PARVA: variants seen among roughly 807,000 people sequenced by gnomAD.
PARVA encodes alpha-parvin.
In PARVA, 25 loss-of-function variants were observed where a neutral mutation model predicts 52.6. The ratio of observed to expected loss-of-function variants is 0.48; its 90% confidence interval spans 0.35 to 0.66. The LOEUF (loss-of-function observed/expected upper bound fraction) is 0.66, where lower values mean the gene tolerates loss of function less well. PARVA is among the 30% of genes least tolerant of loss of function. The probability of loss-of-function intolerance (pLI) is 0.01; values close to 1 mark genes in which losing one functional copy is unlikely to be tolerated. For missense variants in PARVA, 373 were observed against 450.9 expected (o/e 0.83, Z 1.56); for synonymous variants, 185 against 179.1 (o/e 1.03, Z -0.26).
chr11:12,386,807 A>T (rs1939578186), intron 1 of PARVA, among the ~76,000 whole-genome samples: 1 of 152,180 alleles, frequency 6.6e-6, no homozygotes, highest in Non-Finnish European at 1.5e-5. Flanking sequence ...TATTTCACCC[A>T]GCTTCTCTCA....
chr11:12,494,633 TTTC>T (rs997892362), intron 4 of PARVA, among the ~76,000 whole-genome samples: 6 of 152,030 alleles, frequency 3.9e-5, no homozygotes, highest in African/African-American at 1.4e-4. Flanking sequence ...AAGATGTATA[TTTC>T]TTCTTATGTC....
chr11:12,378,397 G>A (rs1378576855), intron 1 of PARVA, among the ~76,000 whole-genome samples: 1 of 152,098 alleles, frequency 6.6e-6, no homozygotes, highest in Non-Finnish European at 1.5e-5. Flanking sequence ...GAATGAATGA[G>A]CGAAAAACTG....
At chr11:12,452,196 G>T (rs1212453218) in intron 1 of PARVA, among the ~76,000 whole-genome samples, 1 of 152,044 alleles carries the variant, frequency 6.6e-6, no homozygotes, top group African/African-American at 2.4e-5. Context: ...CTGCCTCCAG[G>T]CAGGGCTTAG....
intron 1 of PARVA, among the ~76,000 whole-genome samples, chr11:12,403,390 G>A (rs536946117): frequency 1.6e-4 from 24 of 152,338 alleles, no homozygotes; most frequent in African/African-American, 5.5e-4. Context: ...AACCTTTAGG[G>A]AAGCTGAAGG....
intron 5 of PARVA, among the ~76,000 whole-genome samples, chr11:12,496,808 G>A (rs536876633): frequency 2.0e-5 from 3 of 152,178 alleles, no homozygotes; most frequent in Non-Finnish European, 4.4e-5. Context: ...AAAATCTCAC[G>A]TTCCTCTTCT....
intron 5 of PARVA, among the ~76,000 whole-genome samples, chr11:12,500,607 T>C (rs192581754): frequency 6.7e-6 from 1 of 150,342 alleles, no homozygotes; most frequent in East Asian, 2.0e-4. Flanking sequence ...CTGGCCAACA[T>C]GGCAAAACCC....
intron 1 of PARVA, among the ~76,000 whole-genome samples, chr11:12,432,823 C>T (rs1243373582): frequency 6.6e-6 from 1 of 152,152 alleles, no homozygotes; most frequent in Non-Finnish European, 1.5e-5. Context: ...TGTATTTGAA[C>T]CTGTTTTCTA....
chr11:12,514,695 C>T (rs1440985444), intron 10 of PARVA, among the ~76,000 whole-genome samples: 1 of 152,184 alleles, frequency 6.6e-6, no homozygotes, highest in East Asian at 1.9e-4. Flanking sequence ...CCATGTTGGT[C>T]AGGCTGGTCT....
At chr11:12,379,047 T>G (rs748414231) in intron 1 of PARVA, among the ~76,000 whole-genome samples, 13 of 152,230 alleles carry the variant, frequency 8.5e-5, no homozygotes, top group Non-Finnish European at 1.9e-4. Context: ...AGGGGTGGAT[T>G]ATTCATGTCT....
intron 1 of PARVA, among the ~76,000 whole-genome samples, chr11:12,400,357 ATTAG>A (rs1415955435): frequency 6.6e-6 from 1 of 152,190 alleles, no homozygotes; most frequent in Admixed American, 6.5e-5. Flanking sequence ...TTGCTTTATA[ATTAG>A]TTGAGCACTA....
At chr11:12,489,945 A>G (rs945383159) in intron 4 of PARVA, among the ~76,000 whole-genome samples, 4 of 152,038 alleles carry the variant, frequency 2.6e-5, no homozygotes, top group African/African-American at 9.7e-5. Context: ...AGCCAGGTGC[A>G]GTGGCTCACG....
intron 1 of PARVA, 21 bp from the exon 2 acceptor site, chr11:12,473,724 C>T: frequency 6.5e-7 from 1 of 1,542,376 alleles, no homozygotes; most frequent in Non-Finnish European, 8.8e-7. Context: ...AAATGTGACC[C>T]TGCTCTTCCT....
chr11:12,390,578 G>C (rs1939644880), intron 1 of PARVA, among the ~76,000 whole-genome samples: 1 of 152,220 alleles, frequency 6.6e-6, no homozygotes, highest in Non-Finnish European at 1.5e-5. Context: ...GGCAGAGGCT[G>C]CTGTAGTCTC....
chr11:12,449,413 T>A (rs1480499694), intron 1 of PARVA, among the ~76,000 whole-genome samples: 3 of 152,086 alleles, frequency 2.0e-5, no homozygotes, highest in African/African-American at 7.2e-5. Flanking sequence ...TGCCTCACCC[T>A]CCCTAAGTGC....
At chr11:12,495,924 G>A (rs1941292605) in intron 4 of PARVA, among the ~76,000 whole-genome samples, 1 of 152,174 alleles carries the variant, frequency 6.6e-6, no homozygotes, top group African/African-American at 2.4e-5. Context: ...AACACAACCT[G>A]ACTTTAAGGA....
chr11:12,431,186 G>A (rs1205790928), intron 1 of PARVA, among the ~76,000 whole-genome samples: 2 of 152,164 alleles, frequency 1.3e-5, no homozygotes, highest in East Asian at 3.9e-4. Context: ...ATCCTGTGTA[G>A]GCAGCCTTGT....
chr11:12,489,514 T>C (rs1040412222), intron 4 of PARVA, among the ~76,000 whole-genome samples: 4 of 152,136 alleles, frequency 2.6e-5, no homozygotes, highest in Non-Finnish European at 5.9e-5. Context: ...AGATGCAACA[T>C]ACATAGCTAA....
At chr11:12,438,341 G>A (rs1041813707) in intron 1 of PARVA, among the ~76,000 whole-genome samples, 1 of 151,990 alleles carries the variant, frequency 6.6e-6, no homozygotes, top group Non-Finnish European at 1.5e-5. Context: ...AAGATTGAGG[G>A]GCTTCATCTG....
At chr11:12,501,544 C>G (rs1941363785) in intron 5 of PARVA, among the ~76,000 whole-genome samples, 1 of 152,154 alleles carries the variant, frequency 6.6e-6, no homozygotes, top group African/African-American at 2.4e-5. Flanking sequence ...TTAAGCGGAG[C>G]AGTTGTACTT....
Sources: allele counts gnomAD v4.1 joint callset (sites outside exome capture counted in the v4.1 genomes callset), GRCh38; gene constraint gnomAD v4.1.1; transcripts MANE v1.5; gene names NCBI Gene and HGNC (gene_info 2026-07-23, HGNC 2026-07-21).